The following SRGAP3 variants were observed in gnomAD, a reference collection of about 807,000 sequenced individuals.
SRGAP3 encodes SLIT-ROBO Rho GTPase-activating protein 3.
Under a neutral mutation model 121.1 loss-of-function variants are expected in SRGAP3, and 39 were observed. The observed-to-expected ratio is 0.32, with a 90% CI of 0.25 to 0.42. SRGAP3 has a LOEUF of 0.42. SRGAP3 is among the 10% of genes least tolerant of loss of function. SRGAP3 has a pLI of 1.00. For synonymous variants in SRGAP3, 601 were observed against 570.0 expected (o/e 1.05, Z -0.77); for missense variants, 1,213 against 1,470.6 (o/e 0.82, Z 2.86).
intron 21 of SRGAP3, among the ~76,000 whole-genome samples, chr3:8,989,325 G>A (rs753695260): frequency 9.2e-5 from 14 of 152,174 alleles, no homozygotes; most frequent in Non-Finnish European, 1.6e-4. Flanking sequence ...ATGCCTCCTC[G>A]GAAGGCACTG....
At chr3:9,317,164 A>C (rs1028885332) in intron 3 of SRGAP3, among the ~76,000 whole-genome samples, 1 of 152,190 alleles carries the variant, frequency 6.6e-6, no homozygotes, top group Non-Finnish European at 1.5e-5. Flanking sequence ...ATGTGAATAG[A>C]GCCAGTGAAA....
chr3:9,285,691 G>A (rs1481736164), intron 3 of SRGAP3, among the ~76,000 whole-genome samples: 1 of 151,272 alleles, frequency 6.6e-6, no homozygotes, highest in Admixed American at 6.6e-5. Flanking sequence ...AACTACTCAG[G>A]AAGCTGAGGC....
intron 3 of SRGAP3, among the ~76,000 whole-genome samples, chr3:9,294,742 T>TGTGTGTGTGTGTGTGTGTGTGTG (rs1304568303): frequency 2.0e-5 from 1 of 50,930 alleles, no homozygotes; most frequent in African/African-American, 6.5e-5. Context: ...GTGTGTGTGT[T>TGTGTGTGTGTGTGTGTGTGTGTG]TGGGAGGGCA....
intron 1 of SRGAP3, among the ~76,000 whole-genome samples, chr3:9,336,995 G>T (rs761198477): frequency 2.6e-5 from 4 of 151,958 alleles, no homozygotes; most frequent in Non-Finnish European, 4.4e-5. Flanking sequence ...CACTCCCAAG[G>T]TGCTAGGATT....
At chr3:9,046,859 C>G (rs1945306599) in intron 10 of SRGAP3, among the ~76,000 whole-genome samples, 1 of 150,412 alleles carries the variant, frequency 6.6e-6, no homozygotes, top group African/African-American at 2.5e-5. Flanking sequence ...GAGATGGAGT[C>G]TCGCTCTGTC....
Position 8,993,744 on chromosome 3 carries a change from G to A in SRGAP3, c.2408+599C>T, listed in dbSNP as rs114232719. 5.8e-3 allele frequency among the ~76,000 whole-genome samples: 886 copies of A among 152,236 alleles called. 7 individuals carry two copies. The highest frequency in any genetic ancestry group is 0.02 in the African/African-American group (850 of 41,530). ...ATCCCCTTCCCTTGAGGCTCAGCTT[G>A]GTGGCTGCCTCTATGGTAAATCTGT... On this transcript the variant is annotated intron_variant, in intron 19 of 21. Coordinates refer to ENST00000383836, the MANE Select transcript of SRGAP3 (RefSeq NM_014850.4).
chr3:9,151,141 G>C (rs950075670), intron 1 of SRGAP3, among the ~76,000 whole-genome samples: 1 of 152,330 alleles, frequency 6.6e-6, no homozygotes, highest in East Asian at 1.9e-4. Context: ...GGGTGGCAAA[G>C]AGATTCAAAT....
intron 1 of SRGAP3, among the ~76,000 whole-genome samples, chr3:9,135,649 T>C (rs1461656506): frequency 2.0e-5 from 3 of 152,242 alleles, no homozygotes; most frequent in Admixed American, 6.5e-5. Flanking sequence ...AAAAGGCAAG[T>C]AAGTATTCTT....
intron 3 of SRGAP3, among the ~76,000 whole-genome samples, chr3:9,093,856 A>G (rs1947861699): frequency 6.6e-6 from 1 of 152,066 alleles, no homozygotes; most frequent in Non-Finnish European, 1.5e-5. Flanking sequence ...CCAGCTTCTC[A>G]CTCTGACACC....
At chr3:9,350,299 G>A (rs1394033324) in intron 1 of SRGAP3, among the ~76,000 whole-genome samples, 2 of 152,134 alleles carry the variant, frequency 1.3e-5, no homozygotes, top group Non-Finnish European at 2.9e-5. Context: ...CTCCTTCTTG[G>A]AGCTTACATT....
chr3:9,063,339 A>T (rs1575006674), intron 5 of SRGAP3, among the ~76,000 whole-genome samples: 3 of 151,770 alleles, frequency 2.0e-5, no homozygotes, highest in African/African-American at 7.2e-5. Context: ...ATGTTGCCCA[A>T]CCTGGTCTCG....
intron 1 of SRGAP3, among the ~76,000 whole-genome samples, chr3:9,244,995 T>G (rs900502790): frequency 1.3e-5 from 2 of 152,206 alleles, no homozygotes; most frequent in African/African-American, 4.8e-5. Flanking sequence ...ATAGTAGTAT[T>G]GCAGACAGCA....
At chr3:9,187,230 G>A (rs761049286) in intron 1 of SRGAP3, among the ~76,000 whole-genome samples, 6 of 150,590 alleles carry the variant, frequency 4.0e-5, no homozygotes, top group Non-Finnish European at 8.8e-5. Context: ...TTCTGTTCTT[G>A]TGTTAGTTTG....
intron 1 of SRGAP3, among the ~76,000 whole-genome samples, chr3:9,220,565 G>C (rs539939117): frequency 6.6e-6 from 1 of 152,162 alleles, no homozygotes; most frequent in Admixed American, 6.5e-5. Flanking sequence ...CTTCCATACT[G>C]CTGGACAGCA....
At chr3:9,058,001 G>T (rs1489491762) in intron 7 of SRGAP3, among the ~76,000 whole-genome samples, 2 of 152,178 alleles carry the variant, frequency 1.3e-5, no homozygotes, top group Non-Finnish European at 2.9e-5. Flanking sequence ...CTCCCTTGGA[G>T]TCTTCTAGAC....
At chr3:9,129,372 G>A (rs966804585) in intron 1 of SRGAP3, among the ~76,000 whole-genome samples, 7 of 151,224 alleles carry the variant, frequency 4.6e-5, no homozygotes, top group Admixed American at 3.3e-4. Flanking sequence ...TTTATTTAGT[G>A]CAAATTAAAG....
intron 18 of SRGAP3, among the ~76,000 whole-genome samples, chr3:9,003,900 A>G (rs1441557324): frequency 1.3e-5 from 2 of 152,198 alleles, no homozygotes; most frequent in African/African-American, 4.8e-5. Context: ...AGCTGGGCCA[A>G]TTGGGCAAGA....
intron 1 of SRGAP3, among the ~76,000 whole-genome samples, chr3:9,145,398 CTCTT>C (rs982029720): frequency 1.9e-4 from 29 of 152,186 alleles, no homozygotes; most frequent in African/African-American, 7.0e-4. Flanking sequence ...GCCTGGCTTT[CTCTT>C]TCTCTTTCCT....
intron 2 of SRGAP3, among the ~76,000 whole-genome samples, chr3:9,111,756 C>T (rs1003603943): frequency 6.6e-6 from 1 of 152,198 alleles, no homozygotes; most frequent in Non-Finnish European, 1.5e-5. Context: ...CTTTTGTCTT[C>T]TGCAGCCTCA....
Sources: allele counts gnomAD v4.1 joint callset (sites outside exome capture counted in the v4.1 genomes callset), GRCh38; gene constraint gnomAD v4.1.1; transcripts MANE v1.5; gene names NCBI Gene and HGNC (gene_info 2026-07-23, HGNC 2026-07-21).